TRERF1: variants seen among roughly 807,000 people sequenced by gnomAD.
TRERF1 encodes the protein transcriptional regulating factor 1, also known as transcriptional-regulating factor 1.
In TRERF1, 27 loss-of-function variants were observed where a neutral mutation model predicts 122.9. That is an observed-to-expected ratio of 0.22 (90% CI 0.16 to 0.30). The LOEUF is 0.30. TRERF1 is among the 10% of genes least tolerant of loss of function. The probability of loss-of-function intolerance (pLI) is 1.00; values close to 1 mark genes in which losing one functional copy is unlikely to be tolerated. For synonymous variants in TRERF1, 636 were observed against 641.7 expected (o/e 0.99, Z 0.13); for missense variants, 1,248 against 1,560.3 (o/e 0.80, Z 3.37).
chr6:42,302,136 CAAAG>C (rs1176445895), intron 3 of TRERF1, among the ~76,000 whole-genome samples: 1 of 152,162 alleles, frequency 6.6e-6, no homozygotes, highest in Non-Finnish European at 1.5e-5. Context: ...ATGAGAAGAA[CAAAG>C]AGTCATCTAT....
intron 4 of TRERF1, among the ~76,000 whole-genome samples, chr6:42,271,126 A>G (rs1429884000): frequency 6.7e-6 from 1 of 149,776 alleles, no homozygotes; most frequent in Non-Finnish European, 1.5e-5. Flanking sequence ...CAGAGGTTGC[A>G]GTGAGCCGAG....
At chr6:42,422,870 G>A (rs919553578) in intron 2 of TRERF1, among the ~76,000 whole-genome samples, 1 of 151,526 alleles carries the variant, frequency 6.6e-6, no homozygotes, top group Non-Finnish European at 1.5e-5. Context: ...ATGGAGTTTC[G>A]CTCTTGTTGC....
intron 7 of TRERF1, among the ~76,000 whole-genome samples, chr6:42,264,249 A>G (rs1244285002): frequency 1.3e-5 from 2 of 152,166 alleles, no homozygotes; most frequent in Non-Finnish European, 2.9e-5. Context: ...GTATTTAAGG[A>G]TCTTTGGATG....
At chr6:42,390,405 G>T (rs1777525062) in intron 2 of TRERF1, among the ~76,000 whole-genome samples, 1 of 151,944 alleles carries the variant, frequency 6.6e-6, no homozygotes, top group South Asian at 2.1e-4. Flanking sequence ...ACAAACAAGA[G>T]CTTCTAACCC....
chr6:42,280,996 A>T (rs1782206606), intron 4 of TRERF1, among the ~76,000 whole-genome samples: 1 of 152,152 alleles, frequency 6.6e-6, no homozygotes, highest in Admixed American at 6.5e-5. Flanking sequence ...GGTGCTTTGT[A>T]TGTGGACGGT....
In TRERF1 at chr6:42,433,068, C is replaced by A. The variant is rs140875875; in HGVS notation, c.-454+18109G>T. On this transcript the variant is annotated intron_variant, in intron 2 of 17. Coordinates refer to ENST00000372922, the Ensembl canonical transcript of TRERF1. ...TTGAAGGTGTGGAAATACAACAAGG[C>A]AGTTGGGACTTGAGGGACCAGGCTC... Among the ~76,000 whole-genome samples the A allele has an allele frequency of 4.1e-4, 62 of 152,064 alleles. No homozygotes were observed. In the East Asian group the frequency reaches 0.011, roughly 27 times the overall value.
chr6:42,238,537 T>C (rs1402005413), intron 15 of TRERF1, among the ~76,000 whole-genome samples: 5 of 152,200 alleles, frequency 3.3e-5, no homozygotes, highest in African/African-American at 7.2e-5. Flanking sequence ...TTATGATATA[T>C]TGTGAAACAA....
chr6:42,304,196 A>G (rs2150285035), intron 3 of TRERF1, among the ~76,000 whole-genome samples: 1 of 152,364 alleles, frequency 6.6e-6, no homozygotes, highest in African/African-American at 2.4e-5. Flanking sequence ...TTCTATTAAA[A>G]TGATTGCTGG....
Position 42,268,895 on chromosome 6 carries a change from C to T in TRERF1, c.696G>A (p.Leu232=), listed in dbSNP as rs758000599. 4 of 1,613,604 alleles carry T rather than the reference C, an allele frequency of 2.5e-6. No homozygotes were observed. In the African/African-American group the frequency reaches 4.0e-5, roughly 16 times the overall value. The stretch of plus-strand genomic sequence containing the variant: ...CCAGAGGCTGCTGGTAGTCATAATA[C>T]AGGTGCCCTTGGGTAGGGTGCTGCC... Residue 232 remains leucine, a synonymous_variant, in exon 5 of 18, where the codon CTG becomes CTA. Transcript: ENST00000372922. This position sits in a 1 kb window ranked among gnomAD's most constrained non-coding sequence, Gnocchi z 4.4.
chr6:42,427,395 C>T (rs968269176), intron 2 of TRERF1, among the ~76,000 whole-genome samples: 1 of 151,994 alleles, frequency 6.6e-6, no homozygotes, highest in Non-Finnish European at 1.5e-5. Flanking sequence ...GTAGCTAGGA[C>T]TATAGGCGTG....
intron 3 of TRERF1, among the ~76,000 whole-genome samples, chr6:42,348,064 G>GT (rs1475400328): frequency 3.3e-5 from 5 of 152,126 alleles, no homozygotes; most frequent in Non-Finnish European, 5.9e-5. Context: ...CTTCACAAAT[G>GT]TGAGTTACAC....
intron 3 of TRERF1, among the ~76,000 whole-genome samples, chr6:42,320,263 C>G (rs1481388919): frequency 6.6e-6 from 1 of 151,986 alleles, no homozygotes; most frequent in Non-Finnish European, 1.5e-5. Flanking sequence ...AAATATACTC[C>G]TTTAGGGTTT....
intron 2 of TRERF1, among the ~76,000 whole-genome samples, chr6:42,391,871 C>T (rs1233544108): frequency 6.6e-6 from 1 of 152,122 alleles, no homozygotes; most frequent in Non-Finnish European, 1.5e-5. Context: ...CAGAGTAAAG[C>T]TTTGCTCCCA....
intron 10 of TRERF1, 47 bp from the exon 11 acceptor site, chr6:42,257,149 G>A (rs1423780742): frequency 6.2e-7 from 1 of 1,608,284 alleles, no homozygotes; most frequent in Non-Finnish European, 8.5e-7. Flanking sequence ...TCAATTTGAT[G>A]GCTCAGGCCA....
chr6:42,296,328 C>G (rs1228370260), intron 4 of TRERF1, among the ~76,000 whole-genome samples: 1 of 152,158 alleles, frequency 6.6e-6, no homozygotes, highest in East Asian at 1.9e-4. Context: ...AGATTTCTGC[C>G]TCCATTTTAA....
chr6:42,317,302 T>TTAACC (rs2150406387), intron 3 of TRERF1, among the ~76,000 whole-genome samples: 1 of 152,234 alleles, frequency 6.6e-6, no homozygotes, highest in Non-Finnish European at 1.5e-5. Flanking sequence ...GAAGAACCTG[T>TTAACC]TGGGTAATTA....
At chr6:42,440,969 T>C (rs890134605) in intron 2 of TRERF1, among the ~76,000 whole-genome samples, 2 of 152,324 alleles carry the variant, frequency 1.3e-5, no homozygotes, top group African/African-American at 4.8e-5. Flanking sequence ...AGCCGAGCTC[T>C]GCCTACATTA....
intron 2 of TRERF1, among the ~76,000 whole-genome samples, chr6:42,450,333 T>C (rs1322717018): frequency 6.6e-6 from 1 of 152,228 alleles, no homozygotes. Flanking sequence ...TCAGGAGATA[T>C]TTTTTAATGA....
intron 4 of TRERF1, among the ~76,000 whole-genome samples, chr6:42,277,905 G>GGAAGAAGGAAGAAGAAGAA (rs1554141678): frequency 1.2e-4 from 10 of 85,004 alleles, no homozygotes; most frequent in African/African-American, 2.5e-4. Flanking sequence ...GAAGGAAGAA[G>GGAAGAAGGAAGAAGAAGAA]GAAGAAGAAG....
Sources: gnomAD v4.1 joint callset for allele counts (sites outside exome capture counted in the v4.1 genomes callset) on GRCh38, gnomAD v4.1.1 for gene constraint, Gnocchi (gnomAD v3.1) non-coding constraint, MANE v1.5 for transcripts, NCBI Gene and HGNC (gene_info 2026-07-23, HGNC 2026-07-21) for gene names.